The following SRP72 variants were observed in gnomAD, a reference collection of about 807,000 sequenced individuals.
The protein encoded by SRP72 is signal recognition particle 72, also known as signal recognition particle subunit SRP72.
Under a neutral mutation model 96.3 loss-of-function variants are expected in SRP72, and 49 were observed. The ratio of observed to expected loss-of-function variants is 0.51; its 90% CI spans 0.40 to 0.65. The LOEUF is 0.65. Ranked by LOEUF, SRP72 falls within the 30% of genes least tolerant of loss-of-function variation. The pLI is 0.00. For missense variants in SRP72, 736 were observed against 793.3 expected, an observed-to-expected ratio of 0.93 and a Z score of 0.87; for synonymous variants, 267 against 275.2, an observed-to-expected ratio of 0.97 and a Z score of 0.30.
At position 56,489,371 on chromosome 4, in the gene SRP72, T is replaced by C; in HGVS notation, c.1225-17T>C. 1 of 1,496,588 alleles carries C rather than the reference T, an allele frequency of 6.7e-7. No individual in the cohort carries two copies. Among genetic ancestry groups the C allele is most frequent in the Non-Finnish European group, 9.1e-7 (1 of 1,093,680 alleles). 92.7% of individuals were successfully genotyped at this position (1,496,588 alleles called of 1,614,324 possible). On this transcript the variant is annotated splice_polypyrimidine_tract_variant and intron_variant, in intron 12 of 18. Coordinates refer to ENST00000642900, the MANE Select transcript of SRP72 (RefSeq NM_006947.4). ...AGTGAAGGGGGAGTTCACTAATTTA[T>C]ACCTTTGGCTGTGTAGGTATCTGCA...
In SRP72 at chr4:56,491,656, A is replaced by G. The variant is rs17086898; in HGVS notation, c.1640+88A>G. 119,698 of 1,306,164 alleles carry G rather than the reference A, an allele frequency of 0.092. 6,876 individuals are homozygous for G. The highest frequency in any genetic ancestry group is 0.23 in the East Asian group (9,843 of 42,358). 80.9% of individuals were successfully genotyped at this position (1,306,164 alleles called of 1,614,324 possible). ...ACATTCTCATAGAAATTTCATGTGA[A>G]TAAAGTTCTAGTTCTCTTTGTTCCT... On this transcript the variant is annotated intron_variant, in intron 16 of 18. Coordinates refer to ENST00000642900, the MANE Select transcript of SRP72 (RefSeq NM_006947.4).
chr4:56,482,371 C>A (rs1720533930), intron 8 of SRP72, among the ~76,000 whole-genome samples: 1 of 151,710 alleles, frequency 6.6e-6, no homozygotes, highest in Non-Finnish European at 1.5e-5. Context: ...TGGCGTGAAC[C>A]CGTGAGGCGG....
intron 5 of SRP72, among the ~76,000 whole-genome samples, chr4:56,475,402 A>T: frequency 6.8e-6 from 1 of 146,186 alleles, no homozygotes; most frequent in East Asian, 2.1e-4. Context: ...TACAAAAAAA[A>T]AATATATATG....
At position 56,467,697 on chromosome 4, in the gene SRP72, A is replaced by T. The variant is rs1225887173; in HGVS notation, c.62A>T (p.Tyr21Phe). The T allele has an allele frequency of 1.3e-6, 2 of 1,509,274 alleles. No homozygotes were observed. The highest frequency in any genetic ancestry group is 1.4e-5 in the African/African-American group (1 of 69,000). The allele number at this position is 1,509,274 out of a possible 1,614,324, so 93.5% of individuals were successfully genotyped here. A position where few individuals can be genotyped will look rare whatever the true frequency, so the allele number is the denominator to read the frequency against. ...VPALWSEVNR[Y>F]GQNGDFTRAL... is the part of the protein sequence containing the mutation. ...GCGCTGTGGAGTGAAGTGAACCGGT[A>T]TGGCCAGAACGGCGACTTCACGCGC... The change falls in exon 1 of 19, where the codon TAT becomes TTT. Residue 21 changes from tyrosine to phenylalanine, a missense_variant. Physicochemically the swap from Tyr to Phe is conservative, Grantham distance 22 (BLOSUM62 3). Transcript: ENST00000642900.
At chr4:56,475,321 G>T (rs1190658177) in intron 5 of SRP72, among the ~76,000 whole-genome samples, 3 of 152,098 alleles carry the variant, frequency 2.0e-5, no homozygotes, top group African/African-American at 7.2e-5. Flanking sequence ...CTTTTGGGAG[G>T]CCAAGGCAGG....
intron 8 of SRP72, among the ~76,000 whole-genome samples, chr4:56,480,226 C>A (rs1323917975): frequency 2.6e-5 from 4 of 152,122 alleles, no homozygotes; most frequent in African/African-American, 7.2e-5. Context: ...AAAATATATA[C>A]CTGCCTATGT....
At chr4:56,470,323 G>A (rs1051071428) in intron 2 of SRP72, among the ~76,000 whole-genome samples, 3 of 152,176 alleles carry the variant, frequency 2.0e-5, no homozygotes, top group Admixed American at 6.5e-5. Flanking sequence ...GGCGGATCAC[G>A]AGGTCAGGGG....
chr4:56,483,394 A>C, intron 9 of SRP72, 124 bp downstream of exon 9: 4 of 966,570 alleles, frequency 4.1e-6, no homozygotes, highest in Non-Finnish European at 6.0e-6. Context: ...TCATAAATAT[A>C]TTTTTTTGCC....
At chr4:56,490,142 T>C (rs1720856135) in intron 13 of SRP72, among the ~76,000 whole-genome samples, 191 bp from the exon 14 acceptor site, 1 of 152,224 alleles carries the variant, frequency 6.6e-6, no homozygotes, top group African/African-American at 2.4e-5. Flanking sequence ...TGATTACTTG[T>C]ACAATTAATA....
chr4:56,494,407 CTTT>C (rs56291298), intron 16 of SRP72, among the ~76,000 whole-genome samples: 4 of 138,208 alleles, frequency 2.9e-5, no homozygotes, highest in Non-Finnish European at 3.1e-5. Flanking sequence ...TTTCAGAATG[CTTT>C]TTTTTTTTTT....
At chr4:56,478,723 A>G (rs752445600) in intron 8 of SRP72, 74 bp downstream of exon 8, 44 of 1,456,048 alleles carry the variant, frequency 3.0e-5, no homozygotes, top group Non-Finnish European at 3.4e-5. Flanking sequence ...GTTTTGTTCT[A>G]GGATAGCCTA....
At chr4:56,494,698 C>G (rs1560688200) in intron 16 of SRP72, among the ~76,000 whole-genome samples, 1 of 151,970 alleles carries the variant, frequency 6.6e-6, no homozygotes, top group Admixed American at 6.6e-5. Context: ...GCCACTGTTC[C>G]CAGCCACTTT....
intron 16 of SRP72, among the ~76,000 whole-genome samples, chr4:56,492,136 A>G (rs1720931513): frequency 6.6e-6 from 1 of 152,164 alleles, no homozygotes; most frequent in South Asian, 2.1e-4. Flanking sequence ...TTTTTACAGA[A>G]GGAGGATTGT....
chr4:56,493,365 A>G (rs1475909452), intron 16 of SRP72, among the ~76,000 whole-genome samples: 1 of 152,162 alleles, frequency 6.6e-6, no homozygotes, highest in Non-Finnish European at 1.5e-5. Context: ...ACAATCATTA[A>G]GATATACATT....
In SRP72 at chr4:56,502,110, C is replaced by T. The variant is rs1188089906; in HGVS notation, c.*249C>T. 9.1e-6 allele frequency: 4 copies of T among 441,586 alleles called. No individual in the cohort carries two copies. Among genetic ancestry groups the T allele is most frequent in the South Asian group, 2.3e-5 (1 of 44,342 alleles). The allele number at this position is 441,586 out of a possible 1,614,324, so 27.4% of individuals were successfully genotyped here. On this transcript the variant is annotated 3_prime_UTR_variant, in exon 19 of 19. Coordinates refer to ENST00000642900, the MANE Select transcript of SRP72 (RefSeq NM_006947.4). ...ATTGGGCATTTACCCATCTTGGTAT[C>T]TGTTGTATCCTTTATCTGTGTGTGC...
In SRP72 at chr4:56,484,777, A is replaced by T; in HGVS notation, c.999A>T (p.Gln333His). 6.2e-7 allele frequency: 1 copy of T among 1,614,162 alleles called. No individual in the cohort carries two copies. Residue 333 changes from glutamine (Q) to histidine (H), a missense_variant, in exon 10 of 19, where the codon CAA becomes CAT. Coordinates refer to ENST00000642900, the MANE Select transcript of SRP72 (RefSeq NM_006947.4). Reference sequence around the variant, plus strand: ...AAATATCTGCCAGTTTACAGTCCCAAAGTCCCGAGCATCTCTTACCTGTGT... The same window carrying T: ...AAATATCTGCCAGTTTACAGTCCCATAGTCCCGAGCATCTCTTACCTGTGT... ...CRKISASLQSQSPEHLLPVLI... is the reference protein window; with the variant it reads ...CRKISASLQSHSPEHLLPVLI...
intron 1 of SRP72, among the ~76,000 whole-genome samples, chr4:56,468,510 T>G (rs1719839013): frequency 1.4e-5 from 2 of 144,212 alleles, no homozygotes. Flanking sequence ...TTCTCGGTGG[T>G]GCGCAGTTCT....
rs567248151 is a variant in SRP72, at chr4:56,474,013, C to G, written c.355-41C>G. On this transcript the variant is annotated intron_variant, in intron 3 of 18. Transcript: ENST00000642900. ...TTGCATGATATTAAAGACATAACAC[C>G]ATATTTGTCTCTGATTTTTTACTTG... 3 of 1,587,206 alleles carry G rather than the reference C, an allele frequency of 1.9e-6. No homozygotes were observed. The African/African-American group carries it at 4.0e-5, about 21-fold the overall frequency.
rs771303991 is a variant in SRP72, at chr4:56,467,703, A to G, written c.68A>G (p.Gln23Arg). 6.4e-7 allele frequency: 1 copy of G among 1,559,616 alleles called. No individual in the cohort carries two copies. The highest frequency in any genetic ancestry group is 2.6e-5 in the East Asian group (1 of 38,742). Reference sequence around the variant, plus strand: ...TGGAGTGAAGTGAACCGGTATGGCCAGAACGGCGACTTCACGCGCGCTCTC... The same window carrying G: ...TGGAGTGAAGTGAACCGGTATGGCCGGAACGGCGACTTCACGCGCGCTCTC... ...ALWSEVNRYGQNGDFTRALKT... is the reference protein window; with the variant it reads ...ALWSEVNRYGRNGDFTRALKT... The change falls in exon 1 of 19, where the codon CAG becomes CGG. Residue 23 changes from glutamine to arginine, a missense_variant. Physicochemically the swap from Gln to Arg is conservative, Grantham distance 43. Transcript: ENST00000642900.
Sources: allele counts gnomAD v4.1 joint callset (sites outside exome capture counted in the v4.1 genomes callset), GRCh38; gene constraint gnomAD v4.1.1; transcripts MANE v1.5; gene names NCBI Gene and HGNC (gene_info 2026-07-23, HGNC 2026-07-21).